PSG7: variants seen among roughly 807,000 people sequenced by gnomAD.
PSG7 encodes pregnancy-specific beta-1-glycoprotein 7.
In PSG7, 57 loss-of-function variants were observed where a neutral mutation model predicts 45.6. The ratio of observed to expected loss-of-function variants is 1.25; its 90% CI spans 1.01 to 1.56. The LOEUF (loss-of-function observed/expected upper bound fraction) is 1.56, where lower values mean the gene tolerates loss of function less well. Among genes scored for constraint, PSG7 ranks in the 40% most tolerant of loss-of-function variants. PSG7 has a pLI of 0.00. For synonymous variants in PSG7, 298 were observed against 194.4 expected (o/e 1.53, Z -4.43); for missense variants, 796 against 508.4 (o/e 1.57, Z -5.44).
intron 5 of PSG7, chr19:42,925,101 A>C (rs1972496384): frequency 2.0e-6 from 1 of 490,830 alleles, no homozygotes; most frequent in South Asian, 3.0e-5. Context: ...TCTCAGATTA[A>C]ACCTTTACAA....
rs368502229 is a variant in PSG7 at position 42,929,769 on chromosome 19, C to A, written c.431-49G>T. On this transcript the variant is annotated intron_variant, in intron 2 of 5. Transcript: ENST00000406070. ...TTGCCCTGTGTGGCACCTTTGACTC[C>A]TCCAAAGGCATTTTTCAATCAGAGT... 1.3e-5 allele frequency: 21 copies of A among 1,574,816 alleles called. 1 individual carries two copies. The highest frequency in any genetic ancestry group is 1.6e-5 in the Non-Finnish European group (19 of 1,159,336).
rs1344967747 is a variant in PSG7 at position 42,925,072 on chromosome 19, T to C, written c.1244-248A>G. 6 of 533,024 alleles carry C rather than the reference T, an allele frequency of 1.1e-5. No individual in the cohort carries two copies. In the South Asian group the frequency reaches 1.7e-4, roughly 15 times the overall value. The allele number at this position is 533,024 out of a possible 1,614,324, so 33.0% of individuals were successfully genotyped here. On this transcript the variant is annotated intron_variant, in intron 5 of 5. Transcript: ENST00000406070. ...GGCTCTCTTTTAAAATTTTCTTTGC[T>C]GTAAGTTTTTATAAGGAATCTCAGA...
At chr19:42,935,305 A>T (rs1973121741) in intron 2 of PSG7, 99 bp downstream of exon 2, 1 of 1,513,004 alleles carries the variant, frequency 6.6e-7, no homozygotes, top group Admixed American at 1.7e-5. Flanking sequence ...CATAATGCAG[A>T]GAGGGACACA....
chr19:42,935,638 T>A lies in PSG7; in HGVS notation c.196A>T (p.Ile66Phe). The A allele has an allele frequency of 1.2e-6, 2 of 1,612,154 alleles. No individual in the cohort carries two copies. Among genetic ancestry groups the A allele is most frequent in the Non-Finnish European group, 8.5e-7 (1 of 1,179,134 alleles). Residue 66 changes from isoleucine (I) to phenylalanine (F), a missense_variant, in exon 2 of 6, where the codon ATC becomes TTC. Transcript: ENST00000406070. ...HNLPQNLTGY[I>F]WYKGQIRDLY... ...TCCCTGATTTGTCCTTTGTACCAGATGTAGCCAGTAAGATTCTGGGGCAAA... is the reference window on the plus strand; with the variant it reads ...TCCCTGATTTGTCCTTTGTACCAGAAGTAGCCAGTAAGATTCTGGGGCAAA...
chr19:42,927,948 A>T (rs1224754638), intron 3 of PSG7, among the ~76,000 whole-genome samples: 3 of 151,762 alleles, frequency 2.0e-5, no homozygotes, highest in Non-Finnish European at 4.4e-5. Context: ...AATATTTGTC[A>T]TATACTTACT....
Position 42,926,028 on chromosome 19 carries a change from C to A in PSG7, c.989-1G>T, listed in dbSNP as rs2122671650. 2.5e-6 allele frequency: 4 copies of A among 1,611,160 alleles called. No individual in the cohort carries two copies. In the East Asian group the frequency reaches 6.7e-5, roughly 27 times the overall value. Reference sequence around the variant, plus strand: ...TAAATTCTGGGGAGGTCTGGACCATCTGGAGGAAAGAGAATAAAGCCACAG... The same window carrying A: ...TAAATTCTGGGGAGGTCTGGACCATATGGAGGAAAGAGAATAAAGCCACAG... On this transcript the variant is annotated splice_acceptor_variant, in intron 4 of 5. Transcript: ENST00000406070. LOFTEE classifies it high-confidence loss of function.
intron 3 of PSG7, chr19:42,927,458 T>C (rs1380333692): frequency 6.6e-6 from 1 of 152,006 alleles, no homozygotes; most frequent in Admixed American, 6.6e-5. Flanking sequence ...CCTGGGTTCT[T>C]TAAGTTTCCT....
rs782701238 is a variant in PSG7 at position 42,935,576 on chromosome 19, A to G, written c.258T>C (p.Gly86=). ...YHYVTSYIVD[G]QIIKYGPAYS... is the part of the protein sequence containing the mutation. Reference sequence around the variant, plus strand: ...ATGCAGGCCCATATTTAATTATTTGACCGTCTACTATATATGATGTAACAT... The same window carrying G: ...ATGCAGGCCCATATTTAATTATTTGGCCGTCTACTATATATGATGTAACAT... Residue 86 remains glycine, a synonymous_variant, in exon 2 of 6, where the codon GGT becomes GGC. Transcript: ENST00000406070. The G allele has an allele frequency of 1.2e-6, 2 of 1,611,902 alleles. No individual in the cohort carries two copies. The highest frequency in any genetic ancestry group is 2.2e-5 in the East Asian group (1 of 44,750).
At position 42,933,292 on chromosome 19, in the gene PSG7, TATATATATATA is replaced by T. The variant is rs1262759397; in HGVS notation, c.430+2101_430+2111del. Reference sequence around the variant, plus strand: ...ATATATATATATATATATATATATATATATATATATATATATTTTTTTTTTTTTTTGGTGTA... The same window carrying T: ...ATATATATATATATATATATATATATTATATTTTTTTTTTTTTTTGGTGTA... On this transcript the variant is annotated intron_variant, in intron 2 of 5. Transcript: ENST00000406070. Among the ~76,000 whole-genome samples, 46 of 13,402 alleles carry T rather than the reference TATATATATATA, an allele frequency of 3.4e-3. 3 individuals carry two copies. Among genetic ancestry groups the T allele is most frequent in the Non-Finnish European group, 7.5e-3 (37 of 4,942 alleles). The allele number at this position is 13,402 out of a possible 152,430, so 8.8% of individuals were successfully genotyped here.
At chr19:42,929,232 G>C in intron 3 of PSG7, 2 of 1,172,526 alleles carry the variant, frequency 1.7e-6, no homozygotes, top group East Asian at 2.5e-5. Context: ...TGGACCCTGA[G>C]TCTCCCATGA....
At chr19:42,933,299 A>ATTT (rs1235421771) in intron 2 of PSG7, among the ~76,000 whole-genome samples, 4 of 14,652 alleles carry the variant, frequency 2.7e-4, no homozygotes, top group African/African-American at 7.2e-4. Context: ...ATATATATAT[A>ATTT]TATATATATT....
chr19:42,925,475 A>C (rs1236158215), intron 5 of PSG7: 8 of 776,118 alleles, frequency 1.0e-5, no homozygotes, highest in Non-Finnish European at 5.6e-6. Context: ...CCACATAAAG[A>C]ATCAGCATAT....
Position 42,929,579 on chromosome 19 carries a change from T to A in PSG7, c.572A>T (p.His191Leu). 1 of 1,612,576 alleles carries A rather than the reference T, an allele frequency of 6.2e-7. No individual in the cohort carries two copies. Among genetic ancestry groups the A allele is most frequent in the Non-Finnish European group, 8.5e-7 (1 of 1,179,222 alleles). ...GTTGGTTTCAGACAGCTGCAAGCTG[T>A]GAGTCATAGGGAGGCTCTGACCATT... is the stretch of plus-strand genomic sequence containing the variant. ...WMNGQSLPMT[H>L]SLQLSETNRT... The change falls in exon 3 of 6, where the codon CAC becomes CTC. Residue 191 changes from histidine to leucine, a missense_variant. By Grantham distance (99) the His-to-Leu change is moderately conservative. Coordinates refer to ENST00000406070, the MANE Select transcript of PSG7 (RefSeq NM_002783.3).
rs558934657 is a variant in PSG7, at chr19:42,927,815, A to T, written c.710-1099T>A. Among the ~76,000 whole-genome samples the T allele has an allele frequency of 3.0e-4, 46 of 151,588 alleles. No homozygotes were observed. The South Asian group carries it at 9.4e-3, about 31-fold the overall frequency. ...GGGTGGGCAGTTTCTTTTATGCAAG[A>T]TGGGGAGTTTCTAGAGATCTGCTGT... On this transcript the variant is annotated intron_variant, in intron 3 of 5. Transcript: ENST00000406070.
chr19:42,936,018 C>G (rs1454423288), intron 1 of PSG7: 6 of 710,722 alleles, frequency 8.4e-6, no homozygotes, highest in Admixed American at 3.4e-5. Flanking sequence ...TTCAACACTC[C>G]TGACTTTGGC....
chr19:42,933,670 G>C (rs1274083376), intron 2 of PSG7, among the ~76,000 whole-genome samples: 1 of 150,828 alleles, frequency 6.6e-6, no homozygotes, highest in African/African-American at 2.4e-5. Context: ...GTGCAGGACA[G>C]GGCTTGCCAG....
intron 2 of PSG7, among the ~76,000 whole-genome samples, chr19:42,931,804 T>C (rs1343818520): frequency 6.6e-6 from 1 of 151,550 alleles, no homozygotes; most frequent in African/African-American, 2.4e-5. Context: ...GTTACAGCCT[T>C]TGTAGTTGTC....
chr19:42,928,002 T>C (rs1056178994), intron 3 of PSG7, among the ~76,000 whole-genome samples: 5 of 151,756 alleles, frequency 3.3e-5, no homozygotes, highest in African/African-American at 9.7e-5. Flanking sequence ...CTAAGATGCT[T>C]CAGTGAGCAT....
chr19:42,927,165 T>A, intron 3 of PSG7: 1 of 202,202 alleles, frequency 4.9e-6, no homozygotes, highest in Non-Finnish European at 1.0e-5. Context: ...TGAGTAATAA[T>A]GGGACTTCCC....
Sources: gnomAD v4.1 joint callset for allele counts (sites outside exome capture counted in the v4.1 genomes callset) on GRCh38, gnomAD v4.1.1 for gene constraint, MANE v1.5 for transcripts, NCBI Gene and HGNC (gene_info 2026-07-23, HGNC 2026-07-21) for gene names.